The following CEP97 variants were observed in gnomAD, a reference collection of about 807,000 sequenced individuals.
CEP97 encodes centrosomal protein 97, also known as centrosomal protein of 97 kDa.
A neutral mutation model predicts 73.1 loss-of-function variants in CEP97; 43 were observed. The ratio of observed to expected loss-of-function variants is 0.59; its 90% confidence interval spans 0.46 to 0.76. The LOEUF (loss-of-function observed/expected upper bound fraction) is 0.76. Ranked by LOEUF, CEP97 falls within the 30% of genes least tolerant of loss-of-function variation. The probability of loss-of-function intolerance (pLI) is 0.00; values close to 1 mark genes in which losing one functional copy is unlikely to be tolerated. For missense variants in CEP97, 939 were observed against 1,014.0 expected (o/e 0.93, Z 1.00); for synonymous variants, 337 against 370.0 (o/e 0.91, Z 1.02).
chr3:101,760,068 T>C (rs1939129772), intron 9 of CEP97, among the ~76,000 whole-genome samples: 1 of 144,782 alleles, frequency 6.9e-6, no homozygotes, highest in Admixed American at 7.0e-5. Flanking sequence ...GGATTGCAGT[T>C]CTTGAGAAGG....
chr3:101,750,094 C>T (rs1938757647), intron 6 of CEP97, among the ~76,000 whole-genome samples: 1 of 141,386 alleles, frequency 7.1e-6, no homozygotes, highest in South Asian at 2.3e-4. Context: ...AATGGTAATG[C>T]CTAGGTTTTC....
intron 8 of CEP97, 137 bp downstream of exon 8, chr3:101,757,333 T>C: frequency 1.1e-6 from 1 of 905,544 alleles, no homozygotes; most frequent in East Asian, 2.7e-5. Flanking sequence ...ATCTTATACA[T>C]ATCTATGTAT....
chr3:101,724,760 G>A, intron 1 of CEP97, 41 bp downstream of exon 1: 1 of 1,597,462 alleles, frequency 6.3e-7, no homozygotes, highest in Non-Finnish European at 8.6e-7. Context: ...TTTACTTCAC[G>A]GAGCTGAATT....
intron 10 of CEP97, among the ~76,000 whole-genome samples, chr3:101,763,788 T>G (rs1451707004): frequency 6.6e-6 from 1 of 152,214 alleles, no homozygotes; most frequent in Non-Finnish European, 1.5e-5. Flanking sequence ...TCTACCTGGG[T>G]ATCTAAAATG....
intron 9 of CEP97, among the ~76,000 whole-genome samples, chr3:101,760,575 C>A (rs1167644323): frequency 6.6e-6 from 1 of 151,724 alleles, no homozygotes; most frequent in East Asian, 1.9e-4. Context: ...GGGGTCTTGC[C>A]CTCTTGCTGA....
intron 6 of CEP97, among the ~76,000 whole-genome samples, chr3:101,733,624 G>A (rs1279887227): frequency 3.3e-5 from 5 of 150,820 alleles, no homozygotes; most frequent in African/African-American, 7.3e-5. Context: ...TCCGCCTCCC[G>A]GGTTCACGCC....
intron 6 of CEP97, among the ~76,000 whole-genome samples, chr3:101,736,190 C>G (rs1431615567): frequency 6.6e-6 from 1 of 152,154 alleles, no homozygotes; most frequent in Non-Finnish European, 1.5e-5. Flanking sequence ...AAGGCAGCAG[C>G]CCCAGTCAGG....
intron 6 of CEP97, among the ~76,000 whole-genome samples, chr3:101,753,785 G>A (rs189925699): frequency 0.04 from 6,147 of 152,274 alleles, 447 homozygotes; most frequent in African/African-American, 0.14. Flanking sequence ...GGAGTGACCC[G>A]ATTTTCCAGG....
At chr3:101,756,971 A>G in intron 7 of CEP97, 92 bp from the exon 8 acceptor site, 1 of 1,225,812 alleles carries the variant, frequency 8.2e-7, no homozygotes, top group South Asian at 1.6e-5. Context: ...GAACTTGTAA[A>G]CTTCTGCCTT....
chr3:101,725,113 T>G (rs1201816042), intron 1 of CEP97, among the ~76,000 whole-genome samples: 3 of 152,230 alleles, frequency 2.0e-5, no homozygotes, highest in African/African-American at 7.2e-5. Context: ...TCTTCTTGGT[T>G]CCTGGAACCA....
Position 101,746,729 on chromosome 3 carries a change from G to C in CEP97, c.729-8701G>C, listed in dbSNP as rs1205440831. On this transcript the variant is annotated intron_variant, in intron 6 of 10. Coordinates refer to ENST00000341893, the MANE Select transcript of CEP97 (RefSeq NM_024548.4). The stretch of plus-strand genomic sequence containing the variant: ...TGCACAGCAAAAGAAACTACCATCA[G>C]AGTCAACAGGCAACCTACAAAATGG... Among the ~76,000 whole-genome samples the C allele has an allele frequency of 5.3e-5, 8 of 152,216 alleles. No individual in the cohort carries two copies. In the East Asian group the frequency reaches 9.6e-4, roughly 18 times the overall value.
chr3:101,767,309 T>C lies in CEP97; in HGVS notation c.*1758T>C, dbSNP rs1347677353. 2.6e-5 allele frequency: 4 copies of C among 152,262 alleles called. No individual in the cohort carries two copies. The East Asian group carries it at 7.7e-4, about 29-fold the overall frequency. 9.4% of individuals were successfully genotyped at this position (152,262 alleles called of 1,614,324 possible). On this transcript the variant is annotated 3_prime_UTR_variant, in exon 11 of 11. Transcript: ENST00000341893. ...TGAAACATGTGTAACATTGAATGCATGTTAAATAAAAATGGAATTTCTAAC... is the reference window on the plus strand; with the variant it reads ...TGAAACATGTGTAACATTGAATGCACGTTAAATAAAAATGGAATTTCTAAC...
At chr3:101,732,433 T>G in intron 5 of CEP97, 55 bp from the exon 6 acceptor site, 1 of 1,270,824 alleles carries the variant, frequency 7.9e-7, no homozygotes, top group Non-Finnish European at 1.1e-6. Context: ...CAGTGGAAAT[T>G]TTGTGCTTGA....
rs2107199767 is a variant in CEP97, at chr3:101,766,186, A to C, written c.*635A>C. On this transcript the variant is annotated 3_prime_UTR_variant, in exon 11 of 11. Coordinates refer to ENST00000341893, the MANE Select transcript of CEP97 (RefSeq NM_024548.4). Reference sequence around the variant, plus strand: ...TGGAAAACTTCAGTTAATGTCATGCATCAGTTTTAACATATGAAGTAAAGT... The same window carrying C: ...TGGAAAACTTCAGTTAATGTCATGCCTCAGTTTTAACATATGAAGTAAAGT... 1 of 152,362 alleles carries C rather than the reference A, an allele frequency of 6.6e-6. No homozygotes were observed. Among genetic ancestry groups the C allele is most frequent in the South Asian group, 2.1e-4 (1 of 4,824 alleles). 9.4% of individuals were successfully genotyped at this position (152,362 alleles called of 1,614,324 possible). A position where few individuals can be genotyped will look rare whatever the true frequency, so the allele number is the denominator to read the frequency against.
In CEP97 at chr3:101,761,832, T is replaced by TCAAAATG. The variant is rs1576701729; in HGVS notation, c.1818-653_1818-652insCAAAATG. On this transcript the variant is annotated intron_variant, in intron 9 of 10. Transcript: ENST00000341893. ...AACAAAATGGTCTTGACAGTTTGGG[T>TCAAAATG]GATAATGGATCACTAAAGGAGGAGC... Among the ~76,000 whole-genome samples, 4 of 152,042 alleles carry TCAAAATG rather than the reference T, an allele frequency of 2.6e-5. No homozygotes were observed. The East Asian group carries it at 7.7e-4, about 29-fold the overall frequency.
In CEP97 at chr3:101,726,749, A is replaced by T. The variant is rs747447888; in HGVS notation, c.186+13A>T. The T allele has an allele frequency of 3.2e-6, 5 of 1,568,954 alleles. No homozygotes were observed. ...ACGATTAATACAGGTAGGTATTGCAATCTGGGAAATGGTTACATAGGATCA... is the reference window on the plus strand; with the variant it reads ...ACGATTAATACAGGTAGGTATTGCATTCTGGGAAATGGTTACATAGGATCA... On this transcript the variant is annotated intron_variant, in intron 2 of 10. Transcript: ENST00000341893.
Position 101,762,557 on chromosome 3 carries a change from C to A in CEP97, c.1890C>A (p.Asn630Lys). The A allele has an allele frequency of 6.2e-7, 1 of 1,606,616 alleles. No individual in the cohort carries two copies. The highest frequency in any genetic ancestry group is 1.1e-5 in the South Asian group (1 of 90,170). ...AAGAAGCTTTCAGATTCCTTTGGAA[C>A]CAGGTAAACTCCCTCCTGCTGATTT... ...VQEEAFRFLW[N>K]QVRSLQVWQQ... Residue 630 changes from asparagine (N) to lysine (K), a missense_variant, in exon 10 of 11, where the codon AAC (asparagine) becomes AAA (lysine). Asn to Lys is a moderately conservative substitution (Grantham distance 94, BLOSUM62 0). Transcript: ENST00000341893.
chr3:101,750,786 A>T (rs943963338), intron 6 of CEP97, among the ~76,000 whole-genome samples: 2 of 151,836 alleles, frequency 1.3e-5, no homozygotes, highest in Non-Finnish European at 2.9e-5. Flanking sequence ...TATTGTGTCT[A>T]TTTGATTCTT....
At chr3:101,746,087 A>G (rs1382101609) in intron 6 of CEP97, among the ~76,000 whole-genome samples, 1 of 152,192 alleles carries the variant, frequency 6.6e-6, no homozygotes, top group African/African-American at 2.4e-5. Context: ...ACATGAACTC[A>G]TTATTTTTTA....
Sources: gnomAD v4.1 joint callset for allele counts (sites outside exome capture counted in the v4.1 genomes callset) on GRCh38, gnomAD v4.1.1 for gene constraint, MANE v1.5 for transcripts, NCBI Gene and HGNC (gene_info 2026-07-23, HGNC 2026-07-21) for gene names.